PET117: variants seen among roughly 807,000 people sequenced by gnomAD.
The protein encoded by PET117 is PET117 cytochrome c oxidase chaperone.
Under a neutral mutation model 9.2 loss-of-function variants are expected in PET117, and 10 were observed. That is an observed-to-expected ratio of 1.09 (90% CI 0.67 to 1.85). The LOEUF (loss-of-function observed/expected upper bound fraction) is 1.85, where lower values mean the gene tolerates loss of function less well. Among genes scored for constraint, PET117 ranks in the 40% most tolerant of loss-of-function variants. The pLI, the probability that PET117 is intolerant of heterozygous loss-of-function variation, is 0.00. For missense variants in PET117, 96 were observed against 98.2 expected, an observed-to-expected ratio of 0.98 and a Z score of 0.09; for synonymous variants, 43 against 37.1, an observed-to-expected ratio of 1.16 and a Z score of -0.57.
intron 1 of PET117, among the ~76,000 whole-genome samples, chr20:18,140,449 A>C (rs1056660356): frequency 6.6e-6 from 1 of 151,924 alleles, no homozygotes; most frequent in Non-Finnish European, 1.5e-5. Flanking sequence ...TTTGGAAAAA[A>C]CCCCACAAAC....
chr20:18,139,633 C>CGTGT (rs71194228), intron 1 of PET117, among the ~76,000 whole-genome samples: 2,467 of 141,668 alleles, frequency 0.017, 23 homozygotes, highest in South Asian at 0.034. Flanking sequence ...ACCAAAATAA[C>CGTGT]GTGTGTGTGT....
chr20:18,138,315 A>G (rs1176597744), intron 1 of PET117: 9 of 1,165,238 alleles, frequency 7.7e-6, no homozygotes, highest in East Asian at 4.0e-5. Context: ...CTCCGCGCTG[A>G]AGGGGCCTTG....
Position 18,143,041 on chromosome 20 carries a change from T to G in PET117, c.*684T>G. 1 of 1,445,540 alleles carries G rather than the reference T, an allele frequency of 6.9e-7. No homozygotes were observed. Among genetic ancestry groups the G allele is most frequent in the Non-Finnish European group, 9.1e-7 (1 of 1,099,876 alleles). 89.5% of individuals were successfully genotyped at this position (1,445,540 alleles called of 1,614,324 possible). ...TAAAAGGATAATTATATTTATTCTCTAGTTGATCAGCTATAAATTTATATA... is the reference window on the plus strand; with the variant it reads ...TAAAAGGATAATTATATTTATTCTCGAGTTGATCAGCTATAAATTTATATA... On this transcript the variant is annotated 3_prime_UTR_variant, in exon 2 of 2. Transcript: ENST00000432901.
chr20:18,137,913 C>T lies in PET117; in HGVS notation c.-43C>T, dbSNP rs761048098. 9 of 1,459,906 alleles carry T rather than the reference C, an allele frequency of 6.2e-6. No homozygotes were observed. Among genetic ancestry groups the T allele is most frequent in the Non-Finnish European group, 8.1e-6 (9 of 1,113,108 alleles). 90.4% of individuals were successfully genotyped at this position (1,459,906 alleles called of 1,614,324 possible). A position where few individuals can be genotyped will look rare whatever the true frequency, so the allele number is the denominator to read the frequency against. The stretch of plus-strand genomic sequence containing the variant: ...GCGCACTCTGCGGCGGCCTCTGCGC[C>T]TCGGGCGGGCGGGAGAGAGAGGCCG... On this transcript the variant is annotated 5_prime_UTR_variant, in exon 1 of 2. Transcript: ENST00000432901.
At chr20:18,139,883 C>G (rs1191410797) in intron 1 of PET117, among the ~76,000 whole-genome samples, 3 of 152,152 alleles carry the variant, frequency 2.0e-5, no homozygotes, top group Non-Finnish European at 4.4e-5. Flanking sequence ...CTGTAATCCT[C>G]ACAGTAACCT....
Position 18,137,952 on chromosome 20 carries a change from G to T in PET117, c.-4G>T. The T allele has an allele frequency of 6.7e-7, 1 of 1,485,978 alleles. No individual in the cohort carries two copies. The highest frequency in any genetic ancestry group is 8.9e-7 in the Non-Finnish European group (1 of 1,125,990). The allele number at this position is 1,485,978 out of a possible 1,614,324, so 92.0% of individuals were successfully genotyped here. On this transcript the variant is annotated 5_prime_UTR_variant, in exon 1 of 2. Transcript: ENST00000432901. ...AGAGAGAGGCCGCGGCCGCCAGCGTGGGGATGTCTAGGAGCTCGAAGGTGG... is the reference window on the plus strand; with the variant it reads ...AGAGAGAGGCCGCGGCCGCCAGCGTTGGGATGTCTAGGAGCTCGAAGGTGG...
chr20:18,142,406 G>A lies in PET117; in HGVS notation c.*49G>A. 6.6e-7 allele frequency: 1 copy of A among 1,515,188 alleles called. No homozygotes were observed. The highest frequency in any genetic ancestry group is 8.8e-7 in the Non-Finnish European group (1 of 1,134,614). 93.9% of individuals were successfully genotyped at this position (1,515,188 alleles called of 1,614,324 possible). On this transcript the variant is annotated 3_prime_UTR_variant, in exon 2 of 2. Coordinates refer to ENST00000432901, the MANE Select transcript of PET117 (RefSeq NM_001164811.2). ...ACAGACAACACGAGTTTGTGTGTGTGTGTTGATGGAGAGTAGCTTAGTAGT... is the reference window on the plus strand; with the variant it reads ...ACAGACAACACGAGTTTGTGTGTGTATGTTGATGGAGAGTAGCTTAGTAGT...
chr20:18,141,036 T>TTTTA (rs1568661481), intron 1 of PET117, among the ~76,000 whole-genome samples: 20 of 21,324 alleles, frequency 9.4e-4, no homozygotes, highest in Non-Finnish European at 1.4e-3. Flanking sequence ...TTTTTTTTTT[T>TTTTA]TTTTTTTTTT....
chr20:18,142,158 GGGGACCACCTGTTC>G (rs1258310188), intron 1 of PET117, 36 bp from the exon 2 acceptor site: 1 of 1,510,756 alleles, frequency 6.6e-7, no homozygotes, highest in Non-Finnish European at 8.8e-7. Flanking sequence ...GCACAAGGAT[GGGGACCACCTGTTC>G]GGGATGTTAC....
chr20:18,138,288 G>A, intron 1 of PET117: 1 of 1,208,514 alleles, frequency 8.3e-7, no homozygotes, highest in Non-Finnish European at 1.0e-6. Flanking sequence ...CGGCTGCCCG[G>A]CTTAGCGCCT....
intron 1 of PET117, among the ~76,000 whole-genome samples, chr20:18,141,708 AC>A (rs2037589698): frequency 1.3e-5 from 2 of 151,938 alleles, no homozygotes; most frequent in East Asian, 3.9e-4. Flanking sequence ...ACGTGGTGAA[AC>A]CCCGTCTCTA....
Position 18,137,903 on chromosome 20 carries a change from G to T in PET117, c.-53G>T. 1 of 1,445,936 alleles carries T rather than the reference G, an allele frequency of 6.9e-7. No homozygotes were observed. Among genetic ancestry groups the T allele is most frequent in the South Asian group, 1.3e-5 (1 of 74,232 alleles). The allele number at this position is 1,445,936 out of a possible 1,614,324, so 89.6% of individuals were successfully genotyped here. A position where few individuals can be genotyped will look rare whatever the true frequency, so the allele number is the denominator to read the frequency against. ...AGGCGGCGGTGCGCACTCTGCGGCG[G>T]CCTCTGCGCCTCGGGCGGGCGGGAG... On this transcript the variant is annotated 5_prime_UTR_variant, in exon 1 of 2. Coordinates refer to ENST00000432901, the MANE Select transcript of PET117 (RefSeq NM_001164811.2).
chr20:18,138,643 C>T, intron 1 of PET117: 1 of 197,930 alleles, frequency 5.1e-6, no homozygotes, highest in Non-Finnish European at 9.1e-6. Context: ...TTTAAATGAA[C>T]AGTTTGCTAT....
chr20:18,140,503 T>C (rs2037491590), intron 1 of PET117, among the ~76,000 whole-genome samples: 1 of 152,022 alleles, frequency 6.6e-6, no homozygotes, highest in Non-Finnish European at 1.5e-5. Context: ...CTACTCTATA[T>C]AGCCACTATT....
At chr20:18,138,574 C>G (rs1243904843) in intron 1 of PET117, 1 of 508,806 alleles carries the variant, frequency 2.0e-6, no homozygotes, top group African/African-American at 2.1e-5. Flanking sequence ...CCCCCCTTCC[C>G]CGTACTCACT....
At position 18,142,478 on chromosome 20, in the gene PET117, T is replaced by G; in HGVS notation, c.*121T>G. On this transcript the variant is annotated 3_prime_UTR_variant, in exon 2 of 2. Transcript: ENST00000432901. ...CACTGTCCTTTTAAACTTGATCAAATAAAGGACAGTGGGTCATATAAGTTA... is the reference window on the plus strand; with the variant it reads ...CACTGTCCTTTTAAACTTGATCAAAGAAAGGACAGTGGGTCATATAAGTTA... 1 of 1,457,426 alleles carries G rather than the reference T, an allele frequency of 6.9e-7. No homozygotes were observed. The highest frequency in any genetic ancestry group is 9.0e-7 in the Non-Finnish European group (1 of 1,110,206). 90.3% of individuals were successfully genotyped at this position (1,457,426 alleles called of 1,614,324 possible). A position where few individuals can be genotyped will look rare whatever the true frequency, so the allele number is the denominator to read the frequency against.
intron 1 of PET117, among the ~76,000 whole-genome samples, chr20:18,139,981 A>T (rs983802091): frequency 6.6e-6 from 1 of 152,186 alleles, no homozygotes; most frequent in Admixed American, 6.5e-5. Flanking sequence ...ATTAGTAAGG[A>T]AAGTTGTTAG....
At chr20:18,141,325 T>C (rs2037568201) in intron 1 of PET117, among the ~76,000 whole-genome samples, 1 of 152,182 alleles carries the variant, frequency 6.6e-6, no homozygotes. Context: ...CTAAGGTAAC[T>C]ACCATTGATG....
chr20:18,140,818 CA>C (rs1157203058), intron 1 of PET117, among the ~76,000 whole-genome samples: 1,106 of 79,032 alleles, frequency 0.014, 13 homozygotes, highest in African/African-American at 0.048. Flanking sequence ...GACTCCTTCT[CA>C]AAAAAAAAAA....
Sources: gnomAD v4.1 joint callset for allele counts (sites outside exome capture counted in the v4.1 genomes callset) on GRCh38, gnomAD v4.1.1 for gene constraint, MANE v1.5 for transcripts, NCBI Gene and HGNC (gene_info 2026-07-23, HGNC 2026-07-21) for gene names.